CHRM3: variants seen among roughly 807,000 people sequenced by gnomAD.
CHRM3 encodes muscarinic acetylcholine receptor M3.
Under a neutral mutation model 41.8 loss-of-function variants are expected in CHRM3, and 11 were observed. The observed-to-expected ratio is 0.26, with a 90% CI of 0.17 to 0.44. CHRM3 has a LOEUF of 0.44. Ranked by LOEUF, CHRM3 falls within the 20% of genes least tolerant of loss-of-function variation. The pLI is 1.00. For missense variants in CHRM3, 571 were observed against 745.4 expected, an observed-to-expected ratio of 0.77 and a Z score of 2.72; for synonymous variants, 297 against 301.4, an observed-to-expected ratio of 0.99 and a Z score of 0.15.
intron 1 of CHRM3, among the ~76,000 whole-genome samples, chr1:239,453,278 G>A (rs1339866876): frequency 1.3e-5 from 2 of 152,176 alleles, no homozygotes; most frequent in Non-Finnish European, 2.9e-5. Context: ...CTTTAAAGTA[G>A]TCATCTTTTA....
rs565388755 is a variant in CHRM3, at chr1:239,589,787, A to T, written c.-312-42437A>T. Reference sequence around the variant, plus strand: ...TGTCTACACAGGTAGGAGGCTGTTGATAGTTTTATATATATAGTTTTTTTA... The same window carrying T: ...TGTCTACACAGGTAGGAGGCTGTTGTTAGTTTTATATATATAGTTTTTTTA... On this transcript the variant is annotated intron_variant, in intron 3 of 6. Coordinates refer to ENST00000676153, the MANE Select transcript of CHRM3 (RefSeq NM_001375978.1). 1.3e-4 allele frequency among the ~76,000 whole-genome samples: 19 copies of T among 150,470 alleles called. No individual in the cohort carries two copies. The East Asian group carries it at 2.4e-3, about 19-fold the overall frequency.
At chr1:239,565,677 T>C (rs538353982) in intron 3 of CHRM3, among the ~76,000 whole-genome samples, 1 of 152,290 alleles carries the variant, frequency 6.6e-6, no homozygotes, top group Non-Finnish European at 1.5e-5. Flanking sequence ...TTTAGTCTTT[T>C]TAAAAGTTTC....
chr1:239,736,051 C>G (rs896751530), intron 5 of CHRM3, among the ~76,000 whole-genome samples: 5 of 152,108 alleles, frequency 3.3e-5, no homozygotes, highest in Admixed American at 2.0e-4. Flanking sequence ...TAAACCCACC[C>G]TAATGTTATT....
intron 1 of CHRM3, among the ~76,000 whole-genome samples, chr1:239,390,854 G>A (rs1048693887): frequency 2.6e-5 from 4 of 152,142 alleles, no homozygotes; most frequent in Non-Finnish European, 4.4e-5. Context: ...AAATAATTTT[G>A]GTCTGGGCAC....
intron 3 of CHRM3, among the ~76,000 whole-genome samples, chr1:239,559,507 C>T (rs541741462): frequency 6.6e-6 from 1 of 152,286 alleles, no homozygotes; most frequent in Admixed American, 6.5e-5. Context: ...CTACATCAAA[C>T]TTTAAACCCA....
Position 239,404,404 on chromosome 1 carries a change from GAAAGAAAAAGAAAGAAAGAAAGAA to G in CHRM3, c.-521+17179_-521+17202del, listed in dbSNP as rs1660331905. ...AGAAAGAAAGAAAGAAAGAAAGAAA[GAAAGAAAAAGAAAGAAAGAAAGAA>G]AGAAAGAAAGAAAGAAAGAAAGAAA... On this transcript the variant is annotated intron_variant, in intron 1 of 6. Transcript: ENST00000676153. 1.8e-3 allele frequency among the ~76,000 whole-genome samples: 107 copies of G among 57,910 alleles called. 2 individuals are homozygous for G. In the East Asian group the frequency reaches 0.025, roughly 14 times the overall value. 38.0% of individuals were successfully genotyped at this position (57,910 alleles called of 152,430 possible).
At chr1:239,638,822 A>T (rs1416436520) in intron 4 of CHRM3, among the ~76,000 whole-genome samples, 2 of 152,018 alleles carry the variant, frequency 1.3e-5, no homozygotes, top group Admixed American at 6.6e-5. Flanking sequence ...GGTGTTTTAG[A>T]CATGAAGTCC....
chr1:239,389,761 C>T (rs1658859038), intron 1 of CHRM3, among the ~76,000 whole-genome samples: 1 of 152,286 alleles, frequency 6.6e-6, no homozygotes, highest in African/African-American at 2.4e-5. Flanking sequence ...TTTTCCCAGC[C>T]AACATATTGT....
intron 1 of CHRM3, among the ~76,000 whole-genome samples, chr1:239,416,571 A>G (rs1254603874): frequency 2.6e-5 from 4 of 152,164 alleles, no homozygotes; most frequent in East Asian, 1.9e-4. Context: ...TTTGCTGCCA[A>G]TTAATATTTT....
chr1:239,744,324 G>A (rs1302230147), intron 5 of CHRM3, among the ~76,000 whole-genome samples: 1 of 152,144 alleles, frequency 6.6e-6, no homozygotes, highest in African/African-American at 2.4e-5. Flanking sequence ...TGTACAAGTA[G>A]GTGATAAATA....
intron 2 of CHRM3, among the ~76,000 whole-genome samples, chr1:239,496,102 A>C (rs889361079): frequency 1.3e-5 from 2 of 151,668 alleles, no homozygotes; most frequent in South Asian, 2.1e-4. Context: ...TACTTTTACG[A>C]CTCCTTATTG....
At chr1:239,634,895 A>C (rs12035901) in intron 4 of CHRM3, among the ~76,000 whole-genome samples, 2,549 of 152,256 alleles carry the variant, frequency 0.017, 71 homozygotes, top group East Asian at 0.11. Context: ...ACCTCTCTGG[A>C]CCTTTGCTGC....
rs1374138973 is a variant in CHRM3 at position 239,914,153 on chromosome 1, A to G, written c.*4929A>G. 6.0e-6 allele frequency: 1 copy of G among 167,074 alleles called. No individual in the cohort carries two copies. Among genetic ancestry groups the G allele is most frequent in the African/African-American group, 2.4e-5 (1 of 41,452 alleles). The allele number at this position is 167,074 out of a possible 1,614,324, so 10.3% of individuals were successfully genotyped here. A position where few individuals can be genotyped will look rare whatever the true frequency, so the allele number is the denominator to read the frequency against. ...TATCCCCAGAATCTAAAAGCTTACT[A>G]TTGTTCTTTCTTGGAGTCCAAAATG... On this transcript the variant is annotated 3_prime_UTR_variant, in exon 7 of 7. Coordinates refer to ENST00000676153, the MANE Select transcript of CHRM3 (RefSeq NM_001375978.1).
chr1:239,410,812 T>C (rs1234655211), intron 1 of CHRM3, among the ~76,000 whole-genome samples: 1 of 152,218 alleles, frequency 6.6e-6, no homozygotes, highest in Non-Finnish European at 1.5e-5. Context: ...TGCCCCTTCA[T>C]GCTTAGTTTC....
chr1:239,618,618 T>G (rs61836585), intron 3 of CHRM3, among the ~76,000 whole-genome samples: 34,371 of 150,946 alleles, frequency 0.23, 4,532 homozygotes, highest in African/African-American at 0.36. Flanking sequence ...GCCAAGGCGG[T>G]CGGATCACGA....
intron 4 of CHRM3, among the ~76,000 whole-genome samples, chr1:239,653,402 G>A (rs868094265): frequency 5.3e-5 from 8 of 152,148 alleles, no homozygotes; most frequent in Non-Finnish European, 1.2e-4. Context: ...TTTTACAACC[G>A]AGTGATGCAG....
chr1:239,414,673 T>A (rs1193203315), intron 1 of CHRM3, among the ~76,000 whole-genome samples: 1 of 152,206 alleles, frequency 6.6e-6, no homozygotes, highest in Non-Finnish European at 1.5e-5. Flanking sequence ...TTAAGGAGGA[T>A]CGATTCAATG....
chr1:239,674,767 T>C (rs1657814311), intron 4 of CHRM3, among the ~76,000 whole-genome samples: 1 of 149,418 alleles, frequency 6.7e-6, no homozygotes, highest in Non-Finnish European at 1.5e-5. Flanking sequence ...GCAATTCAAA[T>C]CCCAACTCAG....
At chr1:239,593,133 T>C (rs1664373773) in intron 3 of CHRM3, among the ~76,000 whole-genome samples, 1 of 152,212 alleles carries the variant, frequency 6.6e-6, no homozygotes, top group Non-Finnish European at 1.5e-5. Flanking sequence ...ATTCATTCCT[T>C]ATATACTTTA....
Sources: gnomAD v4.1 joint callset for allele counts (sites outside exome capture counted in the v4.1 genomes callset) on GRCh38, gnomAD v4.1.1 for gene constraint, MANE v1.5 for transcripts, NCBI Gene and HGNC (gene_info 2026-07-23, HGNC 2026-07-21) for gene names.